Variants in GAS2L3 observed in about 807,000 individuals in gnomAD.
GAS2L3 encodes the protein growth arrest specific 2 like 3, also known as GAS2-like protein 3.
GAS2L3 carries 28 observed loss-of-function variants against 37.0 expected under a neutral mutation model. That is an observed-to-expected ratio of 0.76 (90% CI 0.56 to 1.04). GAS2L3 has a LOEUF of 1.04. GAS2L3 is among the 50% of genes least tolerant of loss of function. The probability of loss-of-function intolerance (pLI) is 0.00; values close to 1 mark genes in which losing one functional copy is unlikely to be tolerated. For missense variants in GAS2L3, 793 were observed against 817.6 expected, an observed-to-expected ratio of 0.97 and a Z score of 0.37; for synonymous variants, 290 against 296.6, an observed-to-expected ratio of 0.98 and a Z score of 0.23.
At chr12:100,596,159 T>C (rs1955909313) in intron 3 of GAS2L3, among the ~76,000 whole-genome samples, 1 of 151,982 alleles carries the variant, frequency 6.6e-6, no homozygotes, top group Non-Finnish European at 1.5e-5. Flanking sequence ...TCCCAGAAGG[T>C]CTTATTCTTC....
At chr12:100,609,127 C>T (rs1391109901) in intron 5 of GAS2L3, among the ~76,000 whole-genome samples, 1 of 152,100 alleles carries the variant, frequency 6.6e-6, no homozygotes, top group Non-Finnish European at 1.5e-5. Flanking sequence ...AGCTGGGGAC[C>T]CCTCAGAGCT....
chr12:100,602,302 A>C (rs1956000756), intron 5 of GAS2L3, among the ~76,000 whole-genome samples: 2 of 152,044 alleles, frequency 1.3e-5, no homozygotes, highest in Admixed American at 6.6e-5. Flanking sequence ...TCATTCATTA[A>C]CCCTGAAGTC....
chr12:100,622,749 TAAAAAAAAA>T lies in GAS2L3; in HGVS notation c.756+392_756+400del. The stretch of plus-strand genomic sequence containing the variant: ...ATCTAATAAGATTGAGTATCCATAG[TAAAAAAAAA>T]AAAAAAAAAAAAAAAAAAAAAAAAG... On this transcript the variant is annotated intron_variant, in intron 9 of 9. Transcript: ENST00000547754. Among the ~76,000 whole-genome samples, 4 of 26,838 alleles carry T rather than the reference TAAAAAAAAA, an allele frequency of 1.5e-4. No homozygotes were observed. In the Admixed American group the frequency reaches 3.1e-3, roughly 21 times the overall value. The allele number at this position is 26,838 out of a possible 152,430, so 17.6% of individuals were successfully genotyped here.
At chr12:100,590,493 G>A (rs1045869919) in intron 1 of GAS2L3, among the ~76,000 whole-genome samples, 10 of 152,184 alleles carry the variant, frequency 6.6e-5, no homozygotes, top group African/African-American at 2.4e-4. Flanking sequence ...TACAGATGCT[G>A]TGGAAAACAG....
chr12:100,617,298 A>G (rs1374959268), intron 6 of GAS2L3, among the ~76,000 whole-genome samples: 1 of 152,128 alleles, frequency 6.6e-6, no homozygotes, highest in East Asian at 1.9e-4. Context: ...GCTACCTTTG[A>G]TATCAGGGTA....
chr12:100,589,174 T>A (rs1258770612), intron 1 of GAS2L3, among the ~76,000 whole-genome samples: 2 of 152,224 alleles, frequency 1.3e-5, no homozygotes, highest in Non-Finnish European at 2.9e-5. Context: ...TATGTTCGTC[T>A]GCTGCGGCTC....
intron 1 of GAS2L3, among the ~76,000 whole-genome samples, chr12:100,580,509 G>T (rs1161003010): frequency 2.0e-5 from 3 of 152,032 alleles, no homozygotes; most frequent in Admixed American, 2.0e-4. Context: ...GAGAGCTTTG[G>T]GTGCTGAAGG....
rs1282334068 is a variant in GAS2L3 at position 100,600,436 on chromosome 12, C to T, written c.73C>T (p.His25Tyr). Reference sequence around the variant, plus strand: ...TCCTCGGAGTCCTCTGACTCCCAGACACGGACCAGGATTGGCTAATGTTTG... The same window carrying T: ...TCCTCGGAGTCCTCTGACTCCCAGATACGGACCAGGATTGGCTAATGTTTG... ...LSPRSPLTPRHGPGLANVCQY... is the reference protein window; with the variant it reads ...LSPRSPLTPRYGPGLANVCQY... The change falls in exon 4 of 10, where the codon CAC becomes TAC. Residue 25 changes from histidine (H) to tyrosine (Y), a missense_variant. His to Tyr is a moderately conservative substitution (Grantham distance 83). Coordinates refer to ENST00000547754, the MANE Select transcript of GAS2L3 (RefSeq NM_174942.3). The T allele has an allele frequency of 6.2e-7, 1 of 1,612,054 alleles. No individual in the cohort carries two copies. The highest frequency in any genetic ancestry group is 8.5e-7 in the Non-Finnish European group (1 of 1,178,766).
At position 100,601,753 on chromosome 12, in the gene GAS2L3, G is replaced by C. The variant is rs180785761; in HGVS notation, c.303G>C (p.Gly101=). 4.0e-6 allele frequency: 6 copies of C among 1,504,764 alleles called. No individual in the cohort carries two copies. Among genetic ancestry groups the C allele is most frequent in the Non-Finnish European group, 5.5e-6 (6 of 1,088,460 alleles). The allele number at this position is 1,504,764 out of a possible 1,614,324, so 93.2% of individuals were successfully genotyped here. A position where few individuals can be genotyped will look rare whatever the true frequency, so the allele number is the denominator to read the frequency against. The change falls in exon 5 of 10, where the codon GGG becomes GGC. Residue 101 remains glycine, a splice_region_variant and synonymous_variant. Transcript: ENST00000547754. The part of the protein sequence containing the change: ...MVKTCNSEES[G]NFPMRKVPCK... ...AAACATGCAACTCTGAAGAATCAGG[G>C]GTAAGTAAATGTTCGACAGTATTGA...
At chr12:100,576,698 T>C (rs113215628) in intron 1 of GAS2L3, among the ~76,000 whole-genome samples, 2,934 of 152,308 alleles carry the variant, frequency 0.019, 77 homozygotes, top group African/African-American at 0.061. Flanking sequence ...CTTTAATGTT[T>C]CTCCTAAAAA....
Position 100,604,084 on chromosome 12 carries a change from G to A in GAS2L3, c.303+2331G>A, listed in dbSNP as rs1037473435. On this transcript the variant is annotated intron_variant, in intron 5 of 9. Transcript: ENST00000547754. ...CTCAGGATAGCTTTTGACTATTCTC[G>A]GTCTTTTGTGATTCTGTATAAATTT... 4.6e-5 allele frequency among the ~76,000 whole-genome samples: 7 copies of A among 151,640 alleles called. No homozygotes were observed. In the South Asian group the frequency reaches 8.4e-4, roughly 18 times the overall value.
intron 1 of GAS2L3, among the ~76,000 whole-genome samples, chr12:100,584,586 T>A (rs905476136): frequency 1.5e-4 from 23 of 152,144 alleles, no homozygotes; most frequent in African/African-American, 4.3e-4. Flanking sequence ...TGTCTTTTTT[T>A]TTTTTGAGAC....
rs1593196394 is a variant in GAS2L3 at position 100,626,755 on chromosome 12, G to C, written c.*1865G>C. 6.6e-6 allele frequency: 1 copy of C among 152,260 alleles called. No homozygotes were observed. Among genetic ancestry groups the C allele is most frequent in the East Asian group, 1.9e-4 (1 of 5,188 alleles). The allele number at this position is 152,260 out of a possible 1,614,324, so 9.4% of individuals were successfully genotyped here. On this transcript the variant is annotated 3_prime_UTR_variant, in exon 10 of 10. Transcript: ENST00000547754. ...ATAAACACTAAGTTTTGTGTTAAAT[G>C]TGATCAGGAATAAAAGTATCCCACA...
Position 100,623,562 on chromosome 12 carries a change from A to T in GAS2L3, c.757A>T (p.Met253Leu). The part of the protein sequence containing the change: ...RLGDKILFIR[M>L]LHGKHVMVRV... ...ACTTTTTGTTTTCCTTTGGGGGCAGATGCTTCATGGAAAACATGTCATGGT... is the reference window on the plus strand; with the variant it reads ...ACTTTTTGTTTTCCTTTGGGGGCAGTTGCTTCATGGAAAACATGTCATGGT... The change falls in exon 10 of 10, where the codon ATG (methionine) becomes TTG (leucine). Residue 253 changes from methionine to leucine, a missense_variant and splice_region_variant. Transcript: ENST00000547754. The T allele has an allele frequency of 6.3e-7, 1 of 1,591,804 alleles. No individual in the cohort carries two copies. The highest frequency in any genetic ancestry group is 8.5e-7 in the Non-Finnish European group (1 of 1,170,736).
Position 100,617,801 on chromosome 12 carries a change from TGTCAAG to T in GAS2L3, c.506_509+2del. On this transcript the variant is annotated inframe_deletion and splice_region_variant, in exon 7 of 10. Transcript: ENST00000547754. Reference sequence around the variant, plus strand: ...TGTCTTCTTGAAATTGGTCGAATTGTGTCAAGGTATGTATTCCACAATATTTCAGAA... The same window carrying T: ...TGTCTTCTTGAAATTGGTCGAATTGTGTATGTATTCCACAATATTTCAGAA... 6.4e-7 allele frequency: 1 copy of T among 1,572,940 alleles called. No homozygotes were observed. The highest frequency in any genetic ancestry group is 2.2e-5 in the East Asian group (1 of 44,548).
intron 3 of GAS2L3, among the ~76,000 whole-genome samples, chr12:100,597,828 T>C (rs763934265): frequency 3.3e-5 from 5 of 152,112 alleles, no homozygotes; most frequent in African/African-American, 4.8e-5. Context: ...TGATCTGGTA[T>C]AGTAAGACTT....
intron 8 of GAS2L3, among the ~76,000 whole-genome samples, chr12:100,621,882 G>GGAGAGAGAGGGA (rs1956257350): frequency 1.2e-5 from 1 of 81,258 alleles, no homozygotes; most frequent in African/African-American, 5.4e-5. Context: ...GGTGGGGGGG[G>GGAGAGAGAGGGA]GAGAGAGAGA....
intron 1 of GAS2L3, among the ~76,000 whole-genome samples, chr12:100,591,432 A>G (rs1955845203): frequency 6.6e-6 from 1 of 152,122 alleles, no homozygotes; most frequent in Non-Finnish European, 1.5e-5. Flanking sequence ...TTTTTATCTG[A>G]GTGTCCTGCC....
chr12:100,621,880 G>GA (rs1555203884), intron 8 of GAS2L3, among the ~76,000 whole-genome samples: 3 of 97,636 alleles, frequency 3.1e-5, no homozygotes, highest in Non-Finnish European at 5.8e-5. Context: ...AGGGTGGGGG[G>GA]GGGAGAGAGA....
Sources: gnomAD v4.1 joint callset for allele counts (sites outside exome capture counted in the v4.1 genomes callset) on GRCh38, gnomAD v4.1.1 for gene constraint, MANE v1.5 for transcripts, NCBI Gene and HGNC (gene_info 2026-07-23, HGNC 2026-07-21) for gene names.